The following TMEM217B variants were observed in gnomAD, a reference collection of about 807,000 sequenced individuals.
The protein encoded by TMEM217B is putative transmembrane protein 217B.
chr6:37,212,763 G>T, the TMEM217B span: 5 of 697,116 alleles, frequency 7.2e-6, no homozygotes, highest in South Asian at 4.5e-5. Context: ...AGCAGCCGAT[G>T]ATGATGGTGG....
At chr6:37,222,542 T>G in the TMEM217B span, among the ~76,000 whole-genome samples, 1 of 152,302 alleles carries the variant, frequency 6.6e-6, no homozygotes, top group East Asian at 1.9e-4. Context: ...GTCTCCTACT[T>G]GTCCCTGGCT....
the TMEM217B span, among the ~76,000 whole-genome samples, chr6:37,222,771 T>C: frequency 1.3e-5 from 2 of 152,152 alleles, no homozygotes; most frequent in African/African-American, 2.4e-5. Flanking sequence ...CGGCTTTGGT[T>C]TGGGCGGCTG....
the TMEM217B span, among the ~76,000 whole-genome samples, chr6:37,252,854 G>A: frequency 1.3e-5 from 2 of 151,582 alleles, no homozygotes; most frequent in African/African-American, 4.9e-5. Context: ...TGCCCAGGCT[G>A]GTCTCGAACT....
At chr6:37,236,233 C>T in the TMEM217B span, among the ~76,000 whole-genome samples, 3 of 152,158 alleles carry the variant, frequency 2.0e-5, no homozygotes, top group African/African-American at 7.2e-5. Context: ...GTGATTCTCC[C>T]ACCTCTGCCT....
At chr6:37,218,042 C>A in the TMEM217B span, 2 of 998,330 alleles carry the variant, frequency 2.0e-6, no homozygotes, top group Non-Finnish European at 2.4e-6. Context: ...TCTCTACTTG[C>A]AGAACTGCTA....
chr6:37,245,806 T>TTC, the TMEM217B span, among the ~76,000 whole-genome samples: 44 of 17,184 alleles, frequency 2.6e-3, no homozygotes, highest in East Asian at 0.076. Context: ...CTTTCTTTCT[T>TTC]TTTTTTTTTT....
chr6:37,235,677 T>C, the TMEM217B span, among the ~76,000 whole-genome samples: 3 of 152,106 alleles, frequency 2.0e-5, no homozygotes, highest in Middle Eastern at 3.2e-3. Context: ...AATGTATTTC[T>C]TATGGTTCTG....
At chr6:37,221,629 G>T in the TMEM217B span, among the ~76,000 whole-genome samples, 2 of 152,174 alleles carry the variant, frequency 1.3e-5, no homozygotes, top group African/African-American at 4.8e-5. Flanking sequence ...GAAAATATAT[G>T]AAGAAACAGG....
chr6:37,238,780 T>G, the TMEM217B span, among the ~76,000 whole-genome samples: 1 of 152,172 alleles, frequency 6.6e-6, no homozygotes, highest in Non-Finnish European at 1.5e-5. Context: ...TTTTTACATT[T>G]TATTGGTTAC....
chr6:37,257,869 G>A, the TMEM217B span: 1 of 1,596,672 alleles, frequency 6.3e-7, no homozygotes, highest in Non-Finnish European at 8.5e-7. Flanking sequence ...GGGGCATCTC[G>A]CCGGGCAAAC....
At chr6:37,234,589 G>C in the TMEM217B span, among the ~76,000 whole-genome samples, 1 of 151,854 alleles carries the variant, frequency 6.6e-6, no homozygotes, top group African/African-American at 2.4e-5. Flanking sequence ...GTCCACATCT[G>C]GCCAGATGTG....
chr6:37,229,403 C>T, the TMEM217B span, among the ~76,000 whole-genome samples: 2 of 130,478 alleles, frequency 1.5e-5, no homozygotes, highest in African/African-American at 5.9e-5. Flanking sequence ...AGTGCAGCGG[C>T]GCGATCTCGG....
At chr6:37,224,778 G>A in the TMEM217B span, among the ~76,000 whole-genome samples, 34 of 152,136 alleles carry the variant, frequency 2.2e-4, no homozygotes, top group African/African-American at 8.0e-4. Context: ...TTTCAAGATT[G>A]AGAGCACACA....
chr6:37,251,213 G>T, the TMEM217B span, among the ~76,000 whole-genome samples: 4 of 152,164 alleles, frequency 2.6e-5, no homozygotes, highest in African/African-American at 9.7e-5. Flanking sequence ...ATGTCAGACA[G>T]GTAATGTGCC....
At chr6:37,248,262 T>C in the TMEM217B span, among the ~76,000 whole-genome samples, 14 of 152,166 alleles carry the variant, frequency 9.2e-5, no homozygotes, top group Middle Eastern at 3.2e-3. Context: ...AGGGGCTGTA[T>C]GTTTACAGTG....
At chr6:37,218,311 G>T in the TMEM217B span, 1 of 1,165,928 alleles carries the variant, frequency 8.6e-7, no homozygotes. Context: ...TGGGATTACA[G>T]GTGTGTGCCG....
the TMEM217B span, among the ~76,000 whole-genome samples, chr6:37,223,939 CT>C: frequency 0.18 from 26,642 of 144,242 alleles, 2,444 homozygotes; most frequent in Non-Finnish European, 0.2. Flanking sequence ...CTGCCTCAGC[CT>C]TTTTTTTTTT....
chr6:37,256,744 G>A, the TMEM217B span, among the ~76,000 whole-genome samples: 2 of 142,260 alleles, frequency 1.4e-5, no homozygotes, highest in East Asian at 2.3e-4. Flanking sequence ...TAAATGGAGG[G>A]TGGGGGTGGG....
chr6:37,231,799 A>AT, the TMEM217B span, among the ~76,000 whole-genome samples: 210 of 145,376 alleles, frequency 1.4e-3, no homozygotes, highest in South Asian at 4.8e-3. Context: ...TAAATGTACA[A>AT]TTTTTTTTTT....
Sources: allele counts gnomAD v4.1 joint callset (sites outside exome capture counted in the v4.1 genomes callset), GRCh38; gene constraint gnomAD v4.1.1; transcripts MANE v1.5; gene names NCBI Gene and HGNC (gene_info 2026-07-23, HGNC 2026-07-21).